SYT1: variants seen among roughly 807,000 people sequenced by gnomAD.
SYT1 encodes the protein synaptotagmin 1, also known as synaptotagmin-1.
A neutral mutation model predicts 44.8 loss-of-function variants in SYT1; 8 were observed. The ratio of observed to expected loss-of-function variants is 0.18; its 90% CI spans 0.10 to 0.32. SYT1 has a LOEUF of 0.32. Among genes scored for constraint, SYT1 ranks in the 10% least tolerant of loss-of-function variants. The pLI is 1.00. For missense variants in SYT1, 286 were observed against 509.3 expected (o/e 0.56, Z 4.22); for synonymous variants, 154 against 188.8 (o/e 0.82, Z 1.51).
chr12:78,994,891 T>A (rs1186331650), intron 2 of SYT1, among the ~76,000 whole-genome samples: 1 of 152,142 alleles, frequency 6.6e-6, no homozygotes, highest in Non-Finnish European at 1.5e-5. Flanking sequence ...GCAGAGTTTC[T>A]GTTTTTTGTT....
chr12:79,437,594 G>T (rs1375745807), intron 9 of SYT1, among the ~76,000 whole-genome samples: 1 of 152,176 alleles, frequency 6.6e-6, no homozygotes, highest in Non-Finnish European at 1.5e-5. Flanking sequence ...GCCCATTGGG[G>T]TCCCTATAAT....
At chr12:79,307,621 T>TGG (rs1426404496) in intron 8 of SYT1, among the ~76,000 whole-genome samples, 2 of 5,356 alleles carry the variant, frequency 3.7e-4, no homozygotes, top group African/African-American at 1.4e-3. Flanking sequence ...GGGCTGGGGG[T>TGG]GGGGGTGGGG....
intron 1 of SYT1, among the ~76,000 whole-genome samples, chr12:78,954,136 T>G (rs953979976): frequency 2.6e-5 from 4 of 152,120 alleles, no homozygotes; most frequent in African/African-American, 9.7e-5. Flanking sequence ...TCTTTCAGGA[T>G]GTTTAGCTAA....
intron 1 of SYT1, among the ~76,000 whole-genome samples, chr12:78,889,053 A>G (rs1874901283): frequency 6.6e-6 from 1 of 151,798 alleles, no homozygotes; most frequent in Non-Finnish European, 1.5e-5. Flanking sequence ...CAGTTCCTTC[A>G]GAGCTCCTGG....
intron 2 of SYT1, among the ~76,000 whole-genome samples, chr12:79,044,461 T>C (rs1873845138): frequency 2.0e-5 from 3 of 149,866 alleles, no homozygotes; most frequent in Non-Finnish European, 4.5e-5. Context: ...TTCTCGAGCC[T>C]TGGTTTTCAG....
At position 79,016,314 on chromosome 12, in the gene SYT1, G is replaced by GT. The variant is rs369549835; in HGVS notation, c.-83-30982dup. 5.0e-3 allele frequency among the ~76,000 whole-genome samples: 756 copies of GT among 152,228 alleles called. 10 individuals are homozygous for GT. Among genetic ancestry groups the GT allele is most frequent in the African/African-American group, 0.017 (717 of 41,546 alleles). ...GCTCTTCAATGCTCTGATATCATAC[G>GT]TGTTTCTAGAATTAAGGCTGTGTCT... On this transcript the variant is annotated intron_variant, in intron 2 of 10. Transcript: ENST00000261205.
chr12:78,954,020 T>C (rs1490988223), intron 1 of SYT1, among the ~76,000 whole-genome samples: 1 of 152,118 alleles, frequency 6.6e-6, no homozygotes, highest in Non-Finnish European at 1.5e-5. Flanking sequence ...AGGCACTTCA[T>C]AGAATTCTTG....
intron 9 of SYT1, among the ~76,000 whole-genome samples, chr12:79,361,909 G>A (rs968068184): frequency 1.3e-5 from 2 of 152,154 alleles, no homozygotes; most frequent in African/African-American, 4.8e-5. Flanking sequence ...AGGAGTATGT[G>A]ATATTATTGG....
Position 79,299,388 on chromosome 12 carries a change from C to T in SYT1, c.647C>T (p.Pro216Leu). ...TCCTCATGTCTTTTAATTTAGGTAC[C>T]ATACTCGGAATTGGGTGGCAAAACC... ...VFNEQFTFKV[P>L]YSELGGKTLV... Residue 216 changes from proline to leucine, a missense_variant, in exon 8 of 11, where the codon CCA becomes CTA. Physicochemically the swap from Pro to Leu is moderately conservative, Grantham distance 98 (BLOSUM62 -3). Around this residue, in one of 6 missense-constraint regions of SYT1, gnomAD observed 81 missense variants for 164.9 expected, o/e 0.49. Coordinates refer to ENST00000261205, the MANE Select transcript of SYT1 (RefSeq NM_005639.3). The T allele has an allele frequency of 6.2e-7, 1 of 1,612,574 alleles. No homozygotes were observed. Among genetic ancestry groups the T allele is most frequent in the Non-Finnish European group, 8.5e-7 (1 of 1,179,242 alleles).
intron 2 of SYT1, among the ~76,000 whole-genome samples, chr12:79,038,881 C>G (rs1336178047): frequency 1.3e-5 from 2 of 152,008 alleles, no homozygotes; most frequent in East Asian, 3.9e-4. Flanking sequence ...ATATTCTCCT[C>G]AAAAGAAATG....
intron 2 of SYT1, among the ~76,000 whole-genome samples, chr12:79,013,990 G>A (rs1871605199): frequency 6.8e-6 from 1 of 146,126 alleles, no homozygotes; most frequent in African/African-American, 2.6e-5. Flanking sequence ...GCTGGGCATG[G>A]TGGTGGGCGC....
intron 1 of SYT1, among the ~76,000 whole-genome samples, chr12:78,888,546 C>A (rs975035364): frequency 6.6e-6 from 1 of 151,798 alleles, no homozygotes. Context: ...TGTTTAGCAC[C>A]GTGCTGGACA....
chr12:79,217,493 C>A lies in SYT1; in HGVS notation c.-17-10C>A, dbSNP rs1402989842. On this transcript the variant is annotated splice_polypyrimidine_tract_variant and intron_variant, in intron 3 of 10. Coordinates refer to ENST00000261205, the MANE Select transcript of SYT1 (RefSeq NM_005639.3). ...TGAATTGTTCTGTCTTTGCTTCCCT[C>A]CCCTCACAGCTTCACCTGAACCTAA... 1.3e-6 allele frequency: 2 copies of A among 1,554,556 alleles called. No homozygotes were observed. Among genetic ancestry groups the A allele is most frequent in the South Asian group, 2.4e-5 (2 of 84,236 alleles).
intron 8 of SYT1, 103 bp from the exon 9 acceptor site, chr12:79,353,393 AAATTCT>A: frequency 1.2e-6 from 1 of 862,970 alleles, no homozygotes; most frequent in African/African-American, 1.7e-5. Flanking sequence ...TACAATTTTC[AAATTCT>A]AATCAACATA....
chr12:78,888,903 CTCTATAAG>C (rs1294625448), intron 1 of SYT1, among the ~76,000 whole-genome samples: 2 of 151,900 alleles, frequency 1.3e-5, no homozygotes, highest in Non-Finnish European at 2.9e-5. Context: ...CTACCTGCTT[CTCTATAAG>C]AAATGTGAAT....
intron 1 of SYT1, among the ~76,000 whole-genome samples, chr12:78,870,025 C>G (rs865863923): frequency 1.2e-4 from 18 of 152,112 alleles, no homozygotes; most frequent in African/African-American, 4.3e-4. Flanking sequence ...TAAAACACGC[C>G]TTCTATTTCT....
intron 8 of SYT1, among the ~76,000 whole-genome samples, chr12:79,342,128 G>A (rs1348860640): frequency 6.6e-6 from 1 of 152,170 alleles, no homozygotes; most frequent in Non-Finnish European, 1.5e-5. Flanking sequence ...AGAGGAATAA[G>A]TAGGAAATAG....
intron 9 of SYT1, among the ~76,000 whole-genome samples, chr12:79,398,134 C>G (rs1458724269): frequency 6.6e-6 from 1 of 152,130 alleles, no homozygotes; most frequent in Non-Finnish European, 1.5e-5. Context: ...GAAAAGTGTT[C>G]AGTATGAAAG....
chr12:79,330,618 C>T (rs1434951344), intron 8 of SYT1, among the ~76,000 whole-genome samples: 1 of 152,160 alleles, frequency 6.6e-6, no homozygotes, highest in African/African-American at 2.4e-5. Context: ...AAATAACTTA[C>T]GTGAAATACC....
Sources: gnomAD v4.1 joint callset for allele counts (sites outside exome capture counted in the v4.1 genomes callset) on GRCh38, gnomAD v4.1.1 for gene constraint, gnomAD v4.1.1 regional missense constraint, MANE v1.5 for transcripts, NCBI Gene and HGNC (gene_info 2026-07-23, HGNC 2026-07-21) for gene names.